CCDC15: variants seen among roughly 807,000 people sequenced by gnomAD.
CCDC15 encodes coiled-coil domain-containing protein 15.
CCDC15 carries 105 observed loss-of-function variants against 114.5 expected under a neutral mutation model. The observed-to-expected ratio is 0.92, with a 90% CI of 0.78 to 1.08. CCDC15 has a LOEUF of 1.08. CCDC15 is among the 50% of genes least tolerant of loss of function. The pLI, the probability that CCDC15 is intolerant of heterozygous loss-of-function variation, is 0.00. For synonymous variants in CCDC15, 334 were observed against 377.8 expected, an observed-to-expected ratio of 0.88 and a Z score of 1.34; for missense variants, 1,105 against 1,093.6, an observed-to-expected ratio of 1.01 and a Z score of -0.15.
chr11:125,017,547 T>C (rs1948636234), intron 13 of CCDC15, among the ~76,000 whole-genome samples: 1 of 152,156 alleles, frequency 6.6e-6, no homozygotes, highest in Non-Finnish European at 1.5e-5. Context: ...CATACAGTTA[T>C]GTACAATGCA....
intron 12 of CCDC15, among the ~76,000 whole-genome samples, chr11:125,004,627 T>C (rs1948530216): frequency 6.6e-6 from 1 of 152,046 alleles, no homozygotes; most frequent in African/African-American, 2.4e-5. Context: ...AGCACTTGCT[T>C]TTATTCTACT....
chr11:125,022,016 A>C (rs1449143145), intron 13 of CCDC15, among the ~76,000 whole-genome samples: 1 of 151,954 alleles, frequency 6.6e-6, no homozygotes, highest in Non-Finnish European at 1.5e-5. Flanking sequence ...CACTTACTTT[A>C]CTGGCTCTCA....
rs1459124910 is a variant in CCDC15 at position 125,005,131 on chromosome 11, A to G, written c.2330A>G (p.His777Arg). The change falls in exon 13 of 16, where the codon CAT (histidine) becomes CGT (arginine). Residue 777 changes from histidine to arginine, a missense_variant. By Grantham distance (29) the His-to-Arg change is conservative. Transcript: ENST00000344762. ...TAGCGTCAAAAGCAGTACCTGAGAC[A>G]TAGACGACTTTTCATGGATATTGAG... The part of the protein sequence containing the change: ...KKERQKQYLR[H>R]RRLFMDIERE... 5 of 1,552,232 alleles carry G rather than the reference A, an allele frequency of 3.2e-6. No individual in the cohort carries two copies. In the East Asian group the frequency reaches 6.9e-5, roughly 21 times the overall value.
In CCDC15 at chr11:124,991,479, C is replaced by T; in HGVS notation, c.1927C>T (p.Pro643Ser). 3 of 1,584,992 alleles carry T rather than the reference C, an allele frequency of 1.9e-6. No individual in the cohort carries two copies. Among genetic ancestry groups the T allele is most frequent in the Non-Finnish European group, 2.6e-6 (3 of 1,157,352 alleles). ...PKYQKVHFKE[P>S]YSDMTDEKGR... Reference sequence around the variant, plus strand: ...CTTTTAGAAAGTACACTTTAAGGAGCCATACTCTGATATGACAGATGAGAA... The same window carrying T: ...CTTTTAGAAAGTACACTTTAAGGAGTCATACTCTGATATGACAGATGAGAA... The change falls in exon 9 of 16, where the codon CCA (proline) becomes TCA (serine). Residue 643 changes from proline (P) to serine (S), a missense_variant. Transcript: ENST00000344762.
intron 13 of CCDC15, among the ~76,000 whole-genome samples, chr11:125,005,978 T>C (rs1419502451): frequency 6.6e-6 from 1 of 152,236 alleles, no homozygotes; most frequent in Non-Finnish European, 1.5e-5. Context: ...GAAGAACATA[T>C]TATTTGCTGC....
chr11:124,955,317 T>G (rs932688487), intron 2 of CCDC15, among the ~76,000 whole-genome samples: 4 of 152,236 alleles, frequency 2.6e-5, no homozygotes, highest in South Asian at 2.1e-4. Context: ...TTAAGGTTTA[T>G]GATAAATTTT....
intron 13 of CCDC15, among the ~76,000 whole-genome samples, chr11:125,018,622 C>A (rs1186630407): frequency 2.6e-5 from 4 of 152,002 alleles, no homozygotes; most frequent in Non-Finnish European, 4.4e-5. Context: ...TCAGTTTCCT[C>A]TATATACAAT....
intron 13 of CCDC15, among the ~76,000 whole-genome samples, chr11:125,015,249 A>C (rs1371715859): frequency 6.6e-6 from 1 of 152,140 alleles, no homozygotes; most frequent in Non-Finnish European, 1.5e-5. Flanking sequence ...GAATAAGTGC[A>C]AAATCGGTGA....
rs760593965 is a variant in CCDC15 at position 125,038,645 on chromosome 11, A to C, written c.2585+41A>C. On this transcript the variant is annotated intron_variant, in intron 14 of 15. Transcript: ENST00000344762. Reference sequence around the variant, plus strand: ...CTTCATGATATTTTGGCTCTAGAAGAGACTTGGTAGAACTCATTGTTCTCA... The same window carrying C: ...CTTCATGATATTTTGGCTCTAGAAGCGACTTGGTAGAACTCATTGTTCTCA... The C allele has an allele frequency of 2.8e-6, 4 of 1,433,970 alleles. No individual in the cohort carries two copies. The African/African-American group carries it at 4.3e-5, about 16-fold the overall frequency. 88.8% of individuals were successfully genotyped at this position (1,433,970 alleles called of 1,614,324 possible). A position where few individuals can be genotyped will look rare whatever the true frequency, so the allele number is the denominator to read the frequency against.
chr11:124,985,574 A>G (rs1948144273), intron 6 of CCDC15, among the ~76,000 whole-genome samples: 1 of 152,064 alleles, frequency 6.6e-6, no homozygotes, highest in African/African-American at 2.4e-5. Context: ...TATTTTCCTG[A>G]TGACTAATGA....
chr11:124,955,939 A>G (rs1288384507), intron 2 of CCDC15, among the ~76,000 whole-genome samples: 1 of 152,176 alleles, frequency 6.6e-6, no homozygotes, highest in African/African-American at 2.4e-5. Context: ...GTGACCCAGG[A>G]AAGTGTAATG....
intron 2 of CCDC15, among the ~76,000 whole-genome samples, 196 bp downstream of exon 2, chr11:124,955,105 A>G (rs1947526065): frequency 6.6e-6 from 1 of 152,236 alleles, no homozygotes; most frequent in Non-Finnish European, 1.5e-5. Context: ...TGGCATAATC[A>G]AATATTTATT....
chr11:125,008,325 C>G (rs753481845), intron 13 of CCDC15, among the ~76,000 whole-genome samples: 1 of 152,116 alleles, frequency 6.6e-6, no homozygotes, highest in African/African-American at 2.4e-5. Context: ...AAACTCCACC[C>G]GTTCATTGCT....
At chr11:125,031,878 C>T (rs1246209478) in intron 13 of CCDC15, among the ~76,000 whole-genome samples, 1 of 152,166 alleles carries the variant, frequency 6.6e-6, no homozygotes, top group African/African-American at 2.4e-5. Flanking sequence ...TCTGGGGTAA[C>T]ACACCTAAAT....
At chr11:124,964,852 G>T (rs12801822) in intron 4 of CCDC15, among the ~76,000 whole-genome samples, 74 of 152,078 alleles carry the variant, frequency 4.9e-4, no homozygotes, top group African/African-American at 1.5e-3. Context: ...TAGCATGAAG[G>T]GCTGTTGAAT....
At chr11:124,981,813 G>T (rs11560865) in intron 6 of CCDC15, among the ~76,000 whole-genome samples, 16,717 of 152,136 alleles carry the variant, frequency 0.11, 1,361 homozygotes, top group East Asian at 0.4. Flanking sequence ...TAGAGATGGG[G>T]TTTCTTCATG....
In CCDC15 at chr11:125,033,533, C is replaced by T. The variant is rs112224917; in HGVS notation, c.2412-4898C>T. On this transcript the variant is annotated intron_variant, in intron 13 of 15. Coordinates refer to ENST00000344762, the MANE Select transcript of CCDC15 (RefSeq NM_025004.3). ...GCTCTTCAAAGATGTAGGTGTTGCCCTCACAAATCTATTTTGGAAAGCATT... is the reference window on the plus strand; with the variant it reads ...GCTCTTCAAAGATGTAGGTGTTGCCTTCACAAATCTATTTTGGAAAGCATT... 7.8e-3 allele frequency among the ~76,000 whole-genome samples: 1,185 copies of T among 152,210 alleles called. 14 individuals carry two copies. Among genetic ancestry groups the T allele is most frequent in the African/African-American group, 0.027 (1,126 of 41,516 alleles).
At chr11:125,016,938 G>A (rs1411436227) in intron 13 of CCDC15, among the ~76,000 whole-genome samples, 1 of 152,052 alleles carries the variant, frequency 6.6e-6, no homozygotes, top group African/African-American at 2.4e-5. Flanking sequence ...AAAATATGAA[G>A]GACTGATTGC....
chr11:124,972,527 G>C (rs1030416937), intron 4 of CCDC15, among the ~76,000 whole-genome samples: 1 of 151,970 alleles, frequency 6.6e-6, no homozygotes, highest in Non-Finnish European at 1.5e-5. Context: ...TTGTTAAATT[G>C]CTTGTTAACA....
Sources: gnomAD v4.1 joint callset for allele counts (sites outside exome capture counted in the v4.1 genomes callset) on GRCh38, gnomAD v4.1.1 for gene constraint, MANE v1.5 for transcripts, NCBI Gene and HGNC (gene_info 2026-07-23, HGNC 2026-07-21) for gene names.